Variants in ZFHX3 observed in about 807,000 individuals in gnomAD.
The protein encoded by ZFHX3 is zinc finger homeobox 3.
Under a neutral mutation model 279.1 loss-of-function variants are expected in ZFHX3, and 42 were observed. The ratio of observed to expected loss-of-function variants is 0.15; its 90% CI spans 0.12 to 0.19. The LOEUF is 0.19. Among genes scored for constraint, ZFHX3 ranks in the 10% least tolerant of loss-of-function variants. The pLI, the probability that ZFHX3 is intolerant of heterozygous loss-of-function variation, is 1.00. For synonymous variants in ZFHX3, 2,293 were observed against 1,957.8 expected, an observed-to-expected ratio of 1.17 and a Z score of -4.52; for missense variants, 4,981 against 4,754.0, an observed-to-expected ratio of 1.05 and a Z score of -1.40.
chr16:72,963,733 T>C (rs1028924029), intron 1 of ZFHX3, among the ~76,000 whole-genome samples: 1 of 152,226 alleles, frequency 6.6e-6, no homozygotes, highest in African/African-American at 2.4e-5. Context: ...TTTTATCCTG[T>C]TCCCTTGAGG....
chr16:72,979,016 T>C (rs1245848319), intron 1 of ZFHX3, among the ~76,000 whole-genome samples: 1 of 152,136 alleles, frequency 6.6e-6, no homozygotes, highest in Non-Finnish European at 1.5e-5. Context: ...GAGAACCAGT[T>C]GGTACCAACA....
intron 1 of ZFHX3, among the ~76,000 whole-genome samples, chr16:73,016,468 G>C (rs74030207): frequency 6.6e-6 from 1 of 152,068 alleles, no homozygotes; most frequent in African/African-American, 2.4e-5. Flanking sequence ...ACTTTGAATA[G>C]TGAAAGTCCC....
chr16:73,882,338 T>C (rs1985308), intron 1 of ZFHX3, among the ~76,000 whole-genome samples: 19,014 of 152,084 alleles, frequency 0.13, 1,434 homozygotes, highest in Middle Eastern at 0.23. Flanking sequence ...TGCAGCATTT[T>C]TGCTGTCAAA....
At chr16:73,058,718 G>GGCGGCT (rs1183518925) in exon 1 of ZFHX3, 1 of 170,490 alleles carries the variant, frequency 5.9e-6, no homozygotes, top group East Asian at 1.7e-4. Context: ...CGGCGGCGGC[G>GGCGGCT]GCGGCGGCGG....
intron 2 of ZFHX3, among the ~76,000 whole-genome samples, chr16:72,953,522 G>A (rs933491185): frequency 6.6e-6 from 1 of 152,192 alleles, no homozygotes; most frequent in East Asian, 1.9e-4. Context: ...AAATTCAGCT[G>A]TCACTTGCTG....
At chr16:73,658,388 C>T (rs911581989) in intron 2 of ZFHX3, among the ~76,000 whole-genome samples, 3 of 152,172 alleles carry the variant, frequency 2.0e-5, no homozygotes, top group Non-Finnish European at 4.4e-5. Flanking sequence ...TCACCACAAC[C>T]TCTGCTTCCT....
chr16:73,015,944 T>C (rs1027921167), intron 1 of ZFHX3: 5 of 152,230 alleles, frequency 3.3e-5, no homozygotes, highest in African/African-American at 4.8e-5. Flanking sequence ...GCACTGGCCA[T>C]GTTGACCCAG....
intron 3 of ZFHX3, chr16:73,400,172 T>C (rs1376963236): frequency 2.0e-5 from 3 of 152,092 alleles, no homozygotes; most frequent in Non-Finnish European, 4.4e-5. Flanking sequence ...GGTTAAGTGA[T>C]TGCCCTGAAG....
chr16:73,104,331 A>G (rs1485465890), intron 7 of ZFHX3, among the ~76,000 whole-genome samples: 1 of 152,110 alleles, frequency 6.6e-6, no homozygotes, highest in Admixed American at 6.6e-5. Flanking sequence ...CCTGGGCTCA[A>G]GTGATTCTGG....
chr16:73,128,492 T>C (rs904370161), intron 7 of ZFHX3, among the ~76,000 whole-genome samples: 1 of 152,192 alleles, frequency 6.6e-6, no homozygotes, highest in Admixed American at 6.5e-5. Context: ...CAGGCAGGAA[T>C]GCAAACCCAG....
intron 2 of ZFHX3, among the ~76,000 whole-genome samples, chr16:73,527,658 CT>C (rs1452256054): frequency 6.6e-6 from 1 of 152,228 alleles, no homozygotes; most frequent in Admixed American, 6.5e-5. Flanking sequence ...CTTCCTTGCT[CT>C]CTTTCACTCT....
intron 5 of ZFHX3, among the ~76,000 whole-genome samples, chr16:72,814,005 A>T (rs961765520): frequency 6.6e-5 from 10 of 152,012 alleles, no homozygotes; most frequent in Non-Finnish European, 1.3e-4. Context: ...CATCATTTTG[A>T]TTTTTGCTTA....
intron 1 of ZFHX3, among the ~76,000 whole-genome samples, chr16:73,885,995 A>G (rs2030333573): frequency 1.3e-5 from 2 of 152,226 alleles, no homozygotes; most frequent in African/African-American, 4.8e-5. Flanking sequence ...ATGCCTGTAT[A>G]CTGTCACCTC....
At chr16:72,954,945 T>G (rs780846608) in intron 2 of ZFHX3, among the ~76,000 whole-genome samples, 7 of 152,180 alleles carry the variant, frequency 4.6e-5, no homozygotes, top group Non-Finnish European at 8.8e-5. Flanking sequence ...CAGTCACATC[T>G]AATAACACCT....
At chr16:72,808,640 G>C (rs544963383) in intron 7 of ZFHX3, among the ~76,000 whole-genome samples, 2 of 152,240 alleles carry the variant, frequency 1.3e-5, no homozygotes, top group South Asian at 4.1e-4. Flanking sequence ...GAAATGTCTA[G>C]AAAACATCTC....
chr16:73,321,594 T>C (rs1391557627), intron 3 of ZFHX3, among the ~76,000 whole-genome samples: 1 of 152,244 alleles, frequency 6.6e-6, no homozygotes, highest in East Asian at 1.9e-4. Context: ...GGTCAACGGC[T>C]ATTCACCTAT....
chr16:73,296,311 T>G (rs934239552), intron 4 of ZFHX3, among the ~76,000 whole-genome samples: 1 of 152,146 alleles, frequency 6.6e-6, no homozygotes, highest in Non-Finnish European at 1.5e-5. Context: ...ATGTTACAAC[T>G]GAATTAAGAA....
chr16:72,883,357 A>C (rs1367481821), intron 4 of ZFHX3, among the ~76,000 whole-genome samples: 1 of 152,188 alleles, frequency 6.6e-6, no homozygotes, highest in Non-Finnish European at 1.5e-5. Flanking sequence ...AAGACAACCA[A>C]GATTTACTTC....
intron 1 of ZFHX3, among the ~76,000 whole-genome samples, chr16:73,718,421 A>G (rs995112717): frequency 6.6e-6 from 1 of 151,794 alleles, no homozygotes; most frequent in African/African-American, 2.4e-5. Context: ...AAAAAATAAA[A>G]CTAAATAAAA....
Sources: gnomAD v4.1 joint callset for allele counts (sites outside exome capture counted in the v4.1 genomes callset) on GRCh38, gnomAD v4.1.1 for gene constraint, MANE v1.5 for transcripts, NCBI Gene and HGNC (gene_info 2026-07-23, HGNC 2026-07-21) for gene names.